The following RNF125 variants were observed in gnomAD, a reference collection of about 807,000 sequenced individuals.
RNF125 encodes E3 ubiquitin-protein ligase RNF125.
RNF125 carries 21 observed loss-of-function variants against 26.0 expected under a neutral mutation model. The observed-to-expected ratio is 0.81, with a 90% CI of 0.57 to 1.16. The LOEUF (loss-of-function observed/expected upper bound fraction) is 1.16, where lower values mean the gene tolerates loss of function less well. RNF125 is among the 50% of genes most tolerant of loss of function. The probability of loss-of-function intolerance (pLI) is 0.00; values close to 1 mark genes in which losing one functional copy is unlikely to be tolerated. For synonymous variants in RNF125, 95 were observed against 109.2 expected, an observed-to-expected ratio of 0.87 and a Z score of 0.81; for missense variants, 270 against 299.4, an observed-to-expected ratio of 0.90 and a Z score of 0.72.
intron 5 of RNF125, among the ~76,000 whole-genome samples, chr18:32,067,947 G>T (rs1422471783): frequency 6.6e-6 from 1 of 152,156 alleles, no homozygotes. Context: ...GAAGCCTGTG[G>T]GGGAGCCTGA....
At chr18:32,076,105 C>G (rs899420132), downstream of RNF125, 1 of 645,880 alleles carries the variant, frequency 1.5e-6, no homozygotes, top group South Asian at 1.5e-5. Flanking sequence ...CTTCCCAGCT[C>G]TGATCATCAA....
chr18:32,032,298 G>A lies in RNF125; in HGVS notation c.165-4818G>A, dbSNP rs1401459199. Among the ~76,000 whole-genome samples the A allele has an allele frequency of 5.3e-5, 8 of 151,306 alleles. No individual in the cohort carries two copies. The East Asian group carries it at 5.9e-4, about 11-fold the overall frequency. On this transcript the variant is annotated intron_variant, in intron 1 of 5. Coordinates refer to ENST00000217740, the MANE Select transcript of RNF125 (RefSeq NM_017831.4). ...TCACCATGTTGGCCAGGCTGGTCTC[G>A]AACCCCTGACCTCAAGCGATCCACC...
intron 4 of RNF125, among the ~76,000 whole-genome samples, chr18:32,053,916 G>A (rs1444394403): frequency 6.6e-6 from 1 of 151,950 alleles, no homozygotes; most frequent in Non-Finnish European, 1.5e-5. Flanking sequence ...GGGGGAGACA[G>A]GGTATTTGAC....
At chr18:32,021,870 A>G (rs1209426659) in intron 1 of RNF125, among the ~76,000 whole-genome samples, 1 of 152,230 alleles carries the variant, frequency 6.6e-6, no homozygotes, top group Admixed American at 6.5e-5. Context: ...AAATAGTCAT[A>G]AAATAGCATT....
downstream of RNF125, among the ~76,000 whole-genome samples, chr18:32,078,162 T>C (rs947650116): frequency 6.6e-6 from 1 of 152,204 alleles, no homozygotes; most frequent in Non-Finnish European, 1.5e-5. Context: ...AAGGATGATA[T>C]GGTGAAACTG....
rs866687410 is a variant in RNF125 at position 32,041,641 on chromosome 18, T to G, written c.319-538T>G. On this transcript the variant is annotated intron_variant, in intron 2 of 5. Coordinates refer to ENST00000217740, the MANE Select transcript of RNF125 (RefSeq NM_017831.4). ...GATGCTTTTTTTTTTTTTTTTTTTT[T>G]TTTTTTTGAGACGGAGTCTCGCTCT... is the stretch of plus-strand genomic sequence containing the variant. 8.8e-3 allele frequency among the ~76,000 whole-genome samples: 1,181 copies of G among 134,552 alleles called. 33 individuals carry two copies. The highest frequency in any genetic ancestry group is 0.031 in the African/African-American group (1,105 of 35,810). 88.3% of individuals were successfully genotyped at this position (134,552 alleles called of 152,430 possible).
the RNF125 span, among the ~76,000 whole-genome samples, chr18:32,088,280 C>T: frequency 6.6e-6 from 1 of 152,210 alleles, no homozygotes; most frequent in South Asian, 2.1e-4. Flanking sequence ...ACAAAGATAC[C>T]AAAGGGTAGA....
Position 32,058,472 on chromosome 18 carries a change from A to G in RNF125, c.505-7430A>G, listed in dbSNP as rs931510175. On this transcript the variant is annotated intron_variant, in intron 4 of 5. Transcript: ENST00000217740. ...GGGATTCTCCTGCCTCAGCCTCCCA[A>G]GTAGCTAGGACTACAGGCTCATGTG... is the stretch of plus-strand genomic sequence containing the variant. Among the ~76,000 whole-genome samples the G allele has an allele frequency of 3.3e-5, 5 of 152,030 alleles. No individual in the cohort carries two copies. In the East Asian group the frequency reaches 9.7e-4, roughly 30 times the overall value.
chr18:32,057,007 C>G (rs1040189347), intron 4 of RNF125, among the ~76,000 whole-genome samples: 1 of 152,182 alleles, frequency 6.6e-6, no homozygotes, highest in African/African-American at 2.4e-5. Flanking sequence ...CTAATGTAGC[C>G]TCCCTCTCAA....
chr18:32,048,969 C>T (rs898901528), intron 4 of RNF125, among the ~76,000 whole-genome samples: 3 of 152,152 alleles, frequency 2.0e-5, no homozygotes, highest in Non-Finnish European at 2.9e-5. Context: ...AAGGTTGAAC[C>T]CTGACCATTA....
chr18:32,063,349 G>A (rs2039452901), intron 4 of RNF125, among the ~76,000 whole-genome samples: 2 of 151,862 alleles, frequency 1.3e-5, no homozygotes, highest in Non-Finnish European at 2.9e-5. Flanking sequence ...TCATAGAAGT[G>A]CAAATTAAAA....
intron 1 of RNF125, among the ~76,000 whole-genome samples, chr18:32,025,446 C>A (rs1352578718): frequency 2.6e-5 from 4 of 151,568 alleles, no homozygotes; most frequent in Non-Finnish European, 5.9e-5. Flanking sequence ...GGGGGATCAC[C>A]TGAGGTCAGG....
chr18:32,084,647 A>T, the RNF125 span, among the ~76,000 whole-genome samples: 1 of 152,208 alleles, frequency 6.6e-6, no homozygotes, highest in Non-Finnish European at 1.5e-5. Context: ...ATAGAGACTG[A>T]CTAGAATATC....
chr18:32,053,905 G>T (rs79575770), intron 4 of RNF125, among the ~76,000 whole-genome samples: 48 of 152,026 alleles, frequency 3.2e-4, no homozygotes, highest in African/African-American at 9.4e-4. Context: ...GAAAGACTAG[G>T]GGGGGAGACA....
intron 1 of RNF125, among the ~76,000 whole-genome samples, chr18:32,021,173 C>A (rs1035789780): frequency 6.6e-6 from 1 of 152,172 alleles, no homozygotes; most frequent in East Asian, 1.9e-4. Context: ...CTCCGCCTCC[C>A]GGGTTCACGC....
At position 32,065,914 on chromosome 18, in the gene RNF125, T is replaced by C. The variant is rs761991417; in HGVS notation, c.517T>C (p.Cys173Arg). 1 of 1,611,268 alleles carries C rather than the reference T, an allele frequency of 6.2e-7. No homozygotes were observed. The highest frequency in any genetic ancestry group is 1.7e-5 in the Admixed American group (1 of 59,980). The change falls in exon 5 of 6, where the codon TGC becomes CGC. Residue 173 changes from cysteine to arginine, a missense_variant. Cys to Arg is a radical substitution (Grantham distance 180). Coordinates refer to ENST00000217740, the MANE Select transcript of RNF125 (RefSeq NM_017831.4). ...TGTTTGTTTCCAGTTCTGTCCACTT[T>C]GCCGTTTAATACCCGATGAGAATCC... is the stretch of plus-strand genomic sequence containing the variant. The part of the protein sequence containing the change: ...SERRPVFCPL[C>R]RLIPDENPSS...
chr18:32,035,936 T>C (rs1191223971), intron 1 of RNF125, among the ~76,000 whole-genome samples: 1 of 152,120 alleles, frequency 6.6e-6, no homozygotes, highest in African/African-American at 2.4e-5. Flanking sequence ...GTGGATCACC[T>C]GAGGTCAGGA....
In RNF125 at chr18:32,050,380, TGCAGTAATA is replaced by T. The variant is rs1178542636; in HGVS notation, c.504+4651_504+4659del. Among the ~76,000 whole-genome samples, 28 of 152,316 alleles carry T rather than the reference TGCAGTAATA, an allele frequency of 1.8e-4. No individual in the cohort carries two copies. The Middle Eastern group carries it at 0.014, about 74-fold the overall frequency. ...TGTCACCCAGGCCGGACCGCAGTGG[TGCAGTAATA>T]GCTCACTGTAACCTTGAACTCCTGG... On this transcript the variant is annotated intron_variant, in intron 4 of 5. Coordinates refer to ENST00000217740, the MANE Select transcript of RNF125 (RefSeq NM_017831.4).
At chr18:32,057,435 A>G (rs1212438907) in intron 4 of RNF125, among the ~76,000 whole-genome samples, 1 of 151,534 alleles carries the variant, frequency 6.6e-6, no homozygotes, top group Non-Finnish European at 1.5e-5. Flanking sequence ...CCCGGGTTTA[A>G]GCGATTCTCC....
Sources: allele counts gnomAD v4.1 joint callset (sites outside exome capture counted in the v4.1 genomes callset), GRCh38; gene constraint gnomAD v4.1.1; transcripts MANE v1.5; gene names NCBI Gene and HGNC (gene_info 2026-07-23, HGNC 2026-07-21).